The following TRIM4 variants were observed in gnomAD, a reference collection of about 807,000 sequenced individuals.
TRIM4 encodes the protein tripartite motif containing 4.
In TRIM4, 29 loss-of-function variants were observed where a neutral mutation model predicts 33.7. The observed-to-expected ratio is 0.86, with a 90% CI of 0.64 to 1.17. TRIM4 has a LOEUF of 1.17. TRIM4 is among the 50% of genes most tolerant of loss of function. The pLI is 0.00. For missense variants in TRIM4, 554 were observed against 593.7 expected, an observed-to-expected ratio of 0.93 and a Z score of 0.69; for synonymous variants, 224 against 233.0, an observed-to-expected ratio of 0.96 and a Z score of 0.35.
At position 99,908,657 on chromosome 7, in the gene TRIM4, T is replaced by C. The variant is rs201965995; in HGVS notation, c.645A>G (p.Gln215=). The C allele has an allele frequency of 4.3e-6, 7 of 1,614,190 alleles. No homozygotes were observed. In the Admixed American group the frequency reaches 1.0e-4, roughly 23 times the overall value. ...KLNENTLKLN[Q]TIASLKKLIL... ...TGAGCTTCTTCAATGAAGCGATAGT[T>C]TGATTGAGTTTTAACGTGTTCTCAT... Residue 215 remains glutamine, a synonymous_variant, in exon 3 of 6, where the codon CAA becomes CAG. Transcript: ENST00000349062.
intron 3 of TRIM4, among the ~76,000 whole-genome samples, chr7:99,906,085 C>A (rs1431085936): frequency 2.0e-5 from 3 of 151,952 alleles, no homozygotes; most frequent in African/African-American, 7.3e-5. Flanking sequence ...GCAGAGGTTG[C>A]AGTGAGCCAA....
rs1012304698 is a variant in TRIM4 at position 99,919,512 on chromosome 7, A to T, written c.-111T>A. ...ACTTCCGAACCGCCGTCACCGCCTCACGTAAAAGGGTACAACGCAGTTTCT... is the reference window on the plus strand; with the variant it reads ...ACTTCCGAACCGCCGTCACCGCCTCTCGTAAAAGGGTACAACGCAGTTTCT... On this transcript the variant is annotated 5_prime_UTR_variant, in exon 1 of 6. Transcript: ENST00000349062. The T allele has an allele frequency of 1.1e-5, 14 of 1,222,676 alleles. No individual in the cohort carries two copies. The African/African-American group carries it at 1.8e-4, about 16-fold the overall frequency. The allele number at this position is 1,222,676 out of a possible 1,614,324, so 75.7% of individuals were successfully genotyped here. A position where few individuals can be genotyped will look rare whatever the true frequency, so the allele number is the denominator to read the frequency against.
At position 99,891,466 on chromosome 7, in the gene TRIM4, G is replaced by T. The variant is rs1358082212; in HGVS notation, c.*697C>A. ...ACCAACTTGATAAATACACAGCACA[G>T]TTAATAGCTGAGGGCAGAGTTATGG... On this transcript the variant is annotated 3_prime_UTR_variant, in exon 6 of 6. Transcript: ENST00000349062. 1 of 152,298 alleles carries T rather than the reference G, an allele frequency of 6.6e-6. No homozygotes were observed. Among genetic ancestry groups the T allele is most frequent in the Non-Finnish European group, 1.5e-5 (1 of 68,106 alleles). The allele number at this position is 152,298 out of a possible 1,614,324, so 9.4% of individuals were successfully genotyped here. A position where few individuals can be genotyped will look rare whatever the true frequency, so the allele number is the denominator to read the frequency against.
intron 1 of TRIM4, among the ~76,000 whole-genome samples, chr7:99,918,423 G>C (rs1819606937): frequency 6.6e-6 from 1 of 152,090 alleles, no homozygotes; most frequent in African/African-American, 2.4e-5. Context: ...AAATTAACCG[G>C]GTGTGGTGGC....
At chr7:99,892,996 C>T (rs1818931900) in intron 5 of TRIM4, among the ~76,000 whole-genome samples, 1 of 152,216 alleles carries the variant, frequency 6.6e-6, no homozygotes, top group African/African-American at 2.4e-5. Context: ...TGCCTGTAAT[C>T]CCAGCACTTT....
intron 3 of TRIM4, among the ~76,000 whole-genome samples, chr7:99,906,488 G>C (rs891270252): frequency 1.3e-5 from 2 of 151,846 alleles, no homozygotes; most frequent in Admixed American, 6.6e-5. Context: ...CACTGTACCT[G>C]GCCTTAAAAT....
intron 1 of TRIM4, among the ~76,000 whole-genome samples, chr7:99,910,570 C>T (rs540833517): frequency 1.3e-4 from 20 of 152,176 alleles, no homozygotes; most frequent in African/African-American, 4.3e-4. Context: ...TATGCGCATA[C>T]GTGTTTATCT....
intron 3 of TRIM4, 74 bp from the exon 4 acceptor site, chr7:99,903,672 G>A: frequency 1.3e-6 from 2 of 1,568,924 alleles, no homozygotes; most frequent in East Asian, 2.2e-5. Flanking sequence ...GTGTGAGCAG[G>A]TATTTTCTGA....
chr7:99,896,113 C>CT (rs1228241218), intron 5 of TRIM4, among the ~76,000 whole-genome samples: 7 of 152,024 alleles, frequency 4.6e-5, no homozygotes, highest in Admixed American at 3.9e-4. Context: ...TTTTATTAAT[C>CT]TTTTTTTATA....
At chr7:99,894,744 T>G (rs775182653) in intron 5 of TRIM4, among the ~76,000 whole-genome samples, 1 of 152,034 alleles carries the variant, frequency 6.6e-6, no homozygotes, top group African/African-American at 2.4e-5. Flanking sequence ...TAATAGCAAT[T>G]TCTTTCATAG....
rs1266808850 is a variant in TRIM4 at position 99,893,510 on chromosome 7, C to A, written c.842-764G>T. Among the ~76,000 whole-genome samples, 3 of 152,222 alleles carry A rather than the reference C, an allele frequency of 2.0e-5. No individual in the cohort carries two copies. The South Asian group carries it at 6.2e-4, about 32-fold the overall frequency. ...TGGGGCATCTCCACAAATCTCCCCACAGATCATTCAAAACTGAACTAATTA... is the reference window on the plus strand; with the variant it reads ...TGGGGCATCTCCACAAATCTCCCCAAAGATCATTCAAAACTGAACTAATTA... On this transcript the variant is annotated intron_variant, in intron 5 of 5. Transcript: ENST00000349062.
chr7:99,904,510 G>T (rs540900616), intron 3 of TRIM4, among the ~76,000 whole-genome samples: 4 of 152,172 alleles, frequency 2.6e-5, no homozygotes, highest in East Asian at 3.9e-4. Context: ...CTGAGGAAAT[G>T]GAAATAAACT....
chr7:99,898,133 G>GCAC (rs966343614), intron 5 of TRIM4, among the ~76,000 whole-genome samples: 4 of 152,178 alleles, frequency 2.6e-5, no homozygotes, highest in Non-Finnish European at 4.4e-5. Context: ...CTTCCCTTCA[G>GCAC]CACCACCACC....
At chr7:99,909,810 A>G (rs1819401338) in intron 1 of TRIM4, 150 bp from the exon 2 acceptor site, 1 of 638,158 alleles carries the variant, frequency 1.6e-6, no homozygotes, top group South Asian at 2.0e-5. Flanking sequence ...ATGGCTCACT[A>G]CAGCCTCAGC....
At chr7:99,902,092 C>T (rs769980710) in intron 5 of TRIM4, 2 of 765,098 alleles carry the variant, frequency 2.6e-6, no homozygotes, top group South Asian at 1.3e-5. Flanking sequence ...AATCACCGTC[C>T]TTCACTGCCT....
At chr7:99,914,397 C>G (rs1345011867) in intron 1 of TRIM4, among the ~76,000 whole-genome samples, 1 of 152,140 alleles carries the variant, frequency 6.6e-6, no homozygotes, top group Non-Finnish European at 1.5e-5. Flanking sequence ...CTCAAGCAAT[C>G]CTCCTGCCTC....
At chr7:99,901,916 C>T (rs1819180485) in intron 5 of TRIM4, 6 of 591,118 alleles carry the variant, frequency 1.0e-5, no homozygotes, top group Non-Finnish European at 1.2e-5. Flanking sequence ...CAGTACTTTG[C>T]GAACTCTCAC....
At chr7:99,897,764 T>A (rs1819055198) in intron 5 of TRIM4, among the ~76,000 whole-genome samples, 1 of 152,202 alleles carries the variant, frequency 6.6e-6, no homozygotes, top group African/African-American at 2.4e-5. Context: ...TACCCCCCAC[T>A]GTCTTACTCT....
chr7:99,917,852 C>A (rs1819591344), intron 1 of TRIM4: 1 of 985,284 alleles, frequency 1.0e-6, no homozygotes. Context: ...AAAGGATGAT[C>A]AGGGAAGGTC....
Sources: gnomAD v4.1 joint callset for allele counts (sites outside exome capture counted in the v4.1 genomes callset) on GRCh38, gnomAD v4.1.1 for gene constraint, MANE v1.5 for transcripts, NCBI Gene and HGNC (gene_info 2026-07-23, HGNC 2026-07-21) for gene names.